The following GRIA4 variants were observed in gnomAD, a reference collection of about 807,000 sequenced individuals.
The protein encoded by GRIA4 is glutamate ionotropic receptor AMPA type subunit 4, also known as glutamate receptor 4.
A neutral mutation model predicts 104.0 loss-of-function variants in GRIA4; 34 were observed. The observed-to-expected ratio is 0.33, with a 90% CI of 0.25 to 0.44. The LOEUF (loss-of-function observed/expected upper bound fraction) is 0.44, where lower values mean the gene tolerates loss of function less well. Ranked by LOEUF, GRIA4 falls within the 20% of genes least tolerant of loss-of-function variation. The pLI is 1.00. For synonymous variants in GRIA4, 386 were observed against 381.9 expected (o/e 1.01, Z -0.13); for missense variants, 750 against 1,096.5 (o/e 0.68, Z 4.46).
At chr11:105,814,314 T>C (rs1442231210) in intron 4 of GRIA4, among the ~76,000 whole-genome samples, 1 of 152,202 alleles carries the variant, frequency 6.6e-6, no homozygotes, top group African/African-American at 2.4e-5. Context: ...ATGCTAGTAA[T>C]TAATATACTA....
At chr11:105,709,207 GT>G in intron 3 of GRIA4, among the ~76,000 whole-genome samples, 1 of 152,142 alleles carries the variant, frequency 6.6e-6, no homozygotes, top group Middle Eastern at 3.4e-3. Flanking sequence ...AAATTAAATA[GT>G]GGTCATAATG....
intron 3 of GRIA4, among the ~76,000 whole-genome samples, chr11:105,636,418 A>T (rs1389137180): frequency 1.3e-5 from 2 of 152,132 alleles, no homozygotes; most frequent in African/African-American, 4.8e-5. Flanking sequence ...GTTCAGAGTG[A>T]CTTTTTATTC....
chr11:105,858,246 A>AT (rs1243254560), intron 4 of GRIA4, among the ~76,000 whole-genome samples: 2 of 152,106 alleles, frequency 1.3e-5, no homozygotes, highest in Admixed American at 1.3e-4. Flanking sequence ...AATGCTGTGT[A>AT]TTTTGCATAA....
chr11:105,708,781 T>C (rs1421295864), intron 3 of GRIA4, among the ~76,000 whole-genome samples: 1 of 151,980 alleles, frequency 6.6e-6, no homozygotes, highest in African/African-American at 2.4e-5. Context: ...AAGGCTAGAA[T>C]AAGCACTCCT....
intron 4 of GRIA4, among the ~76,000 whole-genome samples, chr11:105,801,494 T>C (rs1942718932): frequency 6.6e-6 from 1 of 152,030 alleles, no homozygotes. Context: ...CCAAATAAAC[T>C]TTGAAGAAAT....
At chr11:105,679,081 T>C (rs552636254) in intron 3 of GRIA4, among the ~76,000 whole-genome samples, 1 of 152,252 alleles carries the variant, frequency 6.6e-6, no homozygotes, top group African/African-American at 2.4e-5. Flanking sequence ...CTCACAGTTA[T>C]AGCGGAAAAC....
At chr11:105,906,915 A>T (rs916439597) in intron 9 of GRIA4, among the ~76,000 whole-genome samples, 1 of 152,206 alleles carries the variant, frequency 6.6e-6, no homozygotes, top group African/African-American at 2.4e-5. Flanking sequence ...ACAGGTGGAC[A>T]ATGCTAAATG....
chr11:105,972,427 G>A (rs1265266486), intron 15 of GRIA4, among the ~76,000 whole-genome samples: 2 of 151,922 alleles, frequency 1.3e-5, no homozygotes, highest in Non-Finnish European at 2.9e-5. Flanking sequence ...ACCAGAAAAA[G>A]GAGATTCTAA....
chr11:105,669,096 C>T (rs766971143), intron 3 of GRIA4, among the ~76,000 whole-genome samples: 1 of 151,966 alleles, frequency 6.6e-6, no homozygotes, highest in Non-Finnish European at 1.5e-5. Flanking sequence ...CCCACAGTTG[C>T]TACCTTTAAT....
chr11:105,916,171 A>T (rs553869521), intron 10 of GRIA4, among the ~76,000 whole-genome samples: 65 of 152,238 alleles, frequency 4.3e-4, no homozygotes, highest in Non-Finnish European at 5.3e-4. Flanking sequence ...GTGATAGAGC[A>T]CAGCTAGACT....
At chr11:105,798,260 G>A (rs959293391) in intron 4 of GRIA4, among the ~76,000 whole-genome samples, 1 of 152,070 alleles carries the variant, frequency 6.6e-6, no homozygotes, top group Non-Finnish European at 1.5e-5. Flanking sequence ...TAAAGGAAAA[G>A]TTGAATCACA....
At chr11:105,632,759 C>A (rs1951067690) in intron 3 of GRIA4, among the ~76,000 whole-genome samples, 1 of 152,138 alleles carries the variant, frequency 6.6e-6, no homozygotes, top group African/African-American at 2.4e-5. Flanking sequence ...CACAGCGGGA[C>A]CCCGTTTCTC....
intron 14 of GRIA4, among the ~76,000 whole-genome samples, chr11:105,961,130 A>G (rs973806873): frequency 6.6e-6 from 1 of 152,230 alleles, no homozygotes; most frequent in African/African-American, 2.4e-5. Context: ...TCCTCTTATT[A>G]AATCCTCGAC....
chr11:105,835,080 AAT>A (rs1329420395), intron 4 of GRIA4, among the ~76,000 whole-genome samples: 3 of 152,032 alleles, frequency 2.0e-5, no homozygotes, highest in Non-Finnish European at 4.4e-5. Context: ...AAAGAGCTGA[AAT>A]ATGTTATTCT....
At chr11:105,665,733 G>C (rs1033456056) in intron 3 of GRIA4, among the ~76,000 whole-genome samples, 2 of 151,936 alleles carry the variant, frequency 1.3e-5, no homozygotes, top group African/African-American at 4.8e-5. Flanking sequence ...CTCTTTGGGC[G>C]TAATTTATGC....
At chr11:105,936,967 T>C (rs1948060038) in intron 14 of GRIA4, among the ~76,000 whole-genome samples, 1 of 152,166 alleles carries the variant, frequency 6.6e-6, no homozygotes, top group South Asian at 2.1e-4. Flanking sequence ...TGTTGGTTTA[T>C]TGTATTTTGA....
At chr11:105,659,229 G>C (rs1336065904) in intron 3 of GRIA4, among the ~76,000 whole-genome samples, 1 of 151,864 alleles carries the variant, frequency 6.6e-6, no homozygotes, top group African/African-American at 2.4e-5. Context: ...TATTGGCAGA[G>C]CATGGCTGTC....
At chr11:105,802,291 T>C (rs1214643090) in intron 4 of GRIA4, among the ~76,000 whole-genome samples, 1 of 152,136 alleles carries the variant, frequency 6.6e-6, no homozygotes, top group Non-Finnish European at 1.5e-5. Flanking sequence ...GACCAGGAGA[T>C]GTTGAAACAG....
At position 105,841,535 on chromosome 11, in the gene GRIA4, G is replaced by GT. The variant is rs566843439; in HGVS notation, c.488-20480dup. ...TGTGGAGCGTTTTCTGGGAAGCTGGGTTTTTTTTTCATTTGAAAAAGAGTT... is the reference window on the plus strand; with the variant it reads ...TGTGGAGCGTTTTCTGGGAAGCTGGGTTTTTTTTTTCATTTGAAAAAGAGTT... On this transcript the variant is annotated intron_variant, in intron 4 of 16. Coordinates refer to ENST00000282499, the MANE Select transcript of GRIA4 (RefSeq NM_000829.4). Among the ~76,000 whole-genome samples the GT allele has an allele frequency of 2.6e-3, 391 of 150,972 alleles. 5 individuals are homozygous for GT. Among genetic ancestry groups the GT allele is most frequent in the Middle Eastern group, 6.8e-3 (2 of 294 alleles).
Sources: allele counts gnomAD v4.1 joint callset (sites outside exome capture counted in the v4.1 genomes callset), GRCh38; gene constraint gnomAD v4.1.1; transcripts MANE v1.5; gene names NCBI Gene and HGNC (gene_info 2026-07-23, HGNC 2026-07-21).